Variants in ERICH3 observed in about 807,000 individuals in gnomAD.
ERICH3 encodes the protein glutamate rich 3, also known as glutamate-rich protein 3.
Under a neutral mutation model 131.1 loss-of-function variants are expected in ERICH3, and 126 were observed. The ratio of observed to expected loss-of-function variants is 0.96; its 90% CI spans 0.83 to 1.11. The LOEUF is 1.11. Ranked by LOEUF, ERICH3 falls within the 50% of genes most tolerant of loss-of-function variation. The pLI, the probability that ERICH3 is intolerant of heterozygous loss-of-function variation, is 0.00. For synonymous variants in ERICH3, 695 were observed against 644.6 expected (o/e 1.08, Z -1.18); for missense variants, 2,050 against 1,810.7 (o/e 1.13, Z -2.40).
In ERICH3 at chr1:74,646,706, G is replaced by C. The variant is rs1391222654; in HGVS notation, c.204C>G (p.Cys68Trp). 1 of 1,476,684 alleles carries C rather than the reference G, an allele frequency of 6.8e-7. No individual in the cohort carries two copies. Among genetic ancestry groups the C allele is most frequent in the Non-Finnish European group, 9.2e-7 (1 of 1,090,300 alleles). The allele number at this position is 1,476,684 out of a possible 1,614,324, so 91.5% of individuals were successfully genotyped here. ...CTTTATGAAAAATTGCCTGGGCTAAGCATTCCCGGATATATTTTTGATGAT... is the reference window on the plus strand; with the variant it reads ...CTTTATGAAAAATTGCCTGGGCTAACCATTCCCGGATATATTTTTGATGAT... ...KRDHQKYIRE[C>W]LAQAIFHKVL... The change falls in exon 3 of 15, where the codon TGC becomes TGG. Residue 68 changes from cysteine to tryptophan, a missense_variant. Physicochemically the swap from Cys to Trp is radical, Grantham distance 215. Transcript: ENST00000326665.
At chr1:74,660,419 C>T (rs1646629500) in intron 1 of ERICH3, among the ~76,000 whole-genome samples, 1 of 151,464 alleles carries the variant, frequency 6.6e-6, no homozygotes, top group Non-Finnish European at 1.5e-5. Flanking sequence ...CATTGTGTGT[C>T]AAATATACTT....
intron 11 of ERICH3, among the ~76,000 whole-genome samples, chr1:74,596,157 T>C (rs1647838987): frequency 2.0e-5 from 3 of 152,086 alleles, no homozygotes; most frequent in Admixed American, 2.0e-4. Context: ...TTCAACAGAT[T>C]GAAAAATAGC....
In ERICH3 at chr1:74,631,851, A is replaced by AC; in HGVS notation, c.680_681insG (p.Ile227MetfsTer2). On this transcript the variant is annotated frameshift_variant, in exon 7 of 15. Transcript: ENST00000326665. LOFTEE classifies it high-confidence loss of function. ...GAGGAATAGGCATCATGTAACTGTT[A>AC]ATGTTTGGAAGTTGATATGAATTCA... 6.2e-7 allele frequency: 1 copy of AC among 1,613,514 alleles called. No homozygotes were observed. Among genetic ancestry groups the AC allele is most frequent in the Non-Finnish European group, 8.5e-7 (1 of 1,179,634 alleles).
chr1:74,589,297 T>G (rs959209313), intron 12 of ERICH3: 3 of 437,234 alleles, frequency 6.9e-6, no homozygotes, highest in Non-Finnish European at 1.2e-5. Flanking sequence ...ATTTCTAGTA[T>G]TAAATAATCT....
chr1:74,665,206 C>T (rs1487846421), intron 1 of ERICH3, among the ~76,000 whole-genome samples: 1 of 139,792 alleles, frequency 7.2e-6, no homozygotes, highest in Non-Finnish European at 1.5e-5. Flanking sequence ...GAGCAAGACT[C>T]CGTCTCAAAA....
intron 1 of ERICH3, among the ~76,000 whole-genome samples, chr1:74,655,172 G>A (rs1646572854): frequency 6.6e-6 from 1 of 152,114 alleles, no homozygotes. Context: ...CTTGTTTGAA[G>A]AGATATTAAA....
At chr1:74,665,172 T>TGGCCATCTGCAGCCTGGGCGA (rs1646678336) in intron 1 of ERICH3, among the ~76,000 whole-genome samples, 1 of 151,072 alleles carries the variant, frequency 6.6e-6, no homozygotes, top group African/African-American at 2.4e-5. Context: ...AGCAAGAAGA[T>TGGCCATCTGCAGCCTGGGCGA]GGCCATCTGC....
At chr1:74,621,501 T>G (rs774606185) in intron 7 of ERICH3, 4 of 152,136 alleles carry the variant, frequency 2.6e-5, no homozygotes, top group Non-Finnish European at 5.9e-5. Context: ...TCATCAATAA[T>G]TTGGGCTTGG....
intron 9 of ERICH3, among the ~76,000 whole-genome samples, chr1:74,607,380 A>C (rs1268425862): frequency 2.0e-5 from 3 of 152,038 alleles, no homozygotes; most frequent in Admixed American, 2.0e-4. Context: ...AGAAGAAGCA[A>C]GATGCCATTC....
intron 10 of ERICH3, among the ~76,000 whole-genome samples, chr1:74,603,968 C>T (rs1413109583): frequency 6.6e-6 from 1 of 151,856 alleles, no homozygotes; most frequent in Non-Finnish European, 1.5e-5. Context: ...ATTGACTCTT[C>T]CTTTCACGAA....
chr1:74,673,205 G>C (rs896859342), intron 1 of ERICH3, among the ~76,000 whole-genome samples: 1 of 152,138 alleles, frequency 6.6e-6, no homozygotes. Flanking sequence ...TCCCAGCGAA[G>C]GTCCTTGCTT....
chr1:74,620,711 A>C, intron 8 of ERICH3, 23 bp downstream of exon 8: 1 of 1,554,258 alleles, frequency 6.4e-7, no homozygotes, highest in Non-Finnish European at 8.7e-7. Context: ...AGCAATTAAA[A>C]AACATTCACA....
chr1:74,663,736 GA>G (rs11396671), intron 1 of ERICH3, among the ~76,000 whole-genome samples: 2 of 150,920 alleles, frequency 1.3e-5, no homozygotes, highest in African/African-American at 2.4e-5. Context: ...TGCTAACACA[GA>G]AAAAAATAAA....
At chr1:74,634,515 T>C in intron 6 of ERICH3, 2 of 586,368 alleles carry the variant, frequency 3.4e-6, no homozygotes, top group South Asian at 4.6e-5. Context: ...CAGAACAGAT[T>C]TGAAGAGTCA....
At chr1:74,587,668 T>C (rs1026625019) in intron 12 of ERICH3, among the ~76,000 whole-genome samples, 1 of 152,140 alleles carries the variant, frequency 6.6e-6, no homozygotes, top group African/African-American at 2.4e-5. Flanking sequence ...TCTGGTTCTC[T>C]GAAGTGAAAA....
At chr1:74,610,367 C>T (rs1204318287) in intron 9 of ERICH3, among the ~76,000 whole-genome samples, 1 of 149,878 alleles carries the variant, frequency 6.7e-6, no homozygotes, top group African/African-American at 2.5e-5. Context: ...CCCAGCACAT[C>T]TATTAATAGC....
chr1:74,607,159 C>T (rs989018853), intron 9 of ERICH3, among the ~76,000 whole-genome samples: 1 of 151,920 alleles, frequency 6.6e-6, no homozygotes, highest in Non-Finnish European at 1.5e-5. Context: ...AATAAAATAA[C>T]TCGTCAACCA....
chr1:74,595,143 T>A (rs1282796625), intron 11 of ERICH3, among the ~76,000 whole-genome samples: 2 of 151,974 alleles, frequency 1.3e-5, no homozygotes, highest in Non-Finnish European at 2.9e-5. Flanking sequence ...AATTTATATA[T>A]CCTACTATTA....
chr1:74,629,829 A>C (rs1190259828), intron 7 of ERICH3, among the ~76,000 whole-genome samples: 1 of 152,128 alleles, frequency 6.6e-6, no homozygotes, highest in Non-Finnish European at 1.5e-5. Flanking sequence ...CTTATTTCTG[A>C]AGTTTTATGC....
Sources: allele counts gnomAD v4.1 joint callset (sites outside exome capture counted in the v4.1 genomes callset), GRCh38; gene constraint gnomAD v4.1.1; transcripts MANE v1.5; gene names NCBI Gene and HGNC (gene_info 2026-07-23, HGNC 2026-07-21).